GABRA2: variants seen among roughly 807,000 people sequenced by gnomAD.
GABRA2 encodes gamma-aminobutyric acid type A receptor subunit alpha2, also known as gamma-aminobutyric acid receptor subunit alpha-2.
In GABRA2, 16 loss-of-function variants were observed where a neutral mutation model predicts 48.7. The ratio of observed to expected loss-of-function variants is 0.33; its 90% CI spans 0.22 to 0.50. The LOEUF (loss-of-function observed/expected upper bound fraction) is 0.50. Ranked by LOEUF, GABRA2 falls within the 20% of genes least tolerant of loss-of-function variation. The pLI is 0.98. For missense variants in GABRA2, 275 were observed against 535.6 expected (o/e 0.51, Z 4.80); for synonymous variants, 185 against 184.5 (o/e 1.00, Z -0.02).
At chr4:46,301,788 A>G (rs1326828483) in intron 8 of GABRA2, among the ~76,000 whole-genome samples, 1 of 152,162 alleles carries the variant, frequency 6.6e-6, no homozygotes, top group Non-Finnish European at 1.5e-5. Flanking sequence ...CATCCCCTAT[A>G]CCAAGTAATT....
intron 4 of GABRA2, among the ~76,000 whole-genome samples, chr4:46,328,652 A>T (rs1730812978): frequency 2.0e-5 from 3 of 151,110 alleles, no homozygotes; most frequent in Non-Finnish European, 2.9e-5. Context: ...TATATACTTT[A>T]AGTTTTAGGG....
At chr4:46,331,880 C>T (rs1257184449) in intron 4 of GABRA2, among the ~76,000 whole-genome samples, 1 of 151,978 alleles carries the variant, frequency 6.6e-6, no homozygotes, top group Non-Finnish European at 1.5e-5. Context: ...TGCTATCACA[C>T]CCTGCTAATT....
intron 3 of GABRA2, among the ~76,000 whole-genome samples, chr4:46,340,448 A>C (rs942828422): frequency 8.6e-5 from 13 of 151,894 alleles, no homozygotes; most frequent in African/African-American, 3.1e-4. Context: ...TTATTTTGAA[A>C]ATTTTATTAT....
intron 8 of GABRA2, among the ~76,000 whole-genome samples, chr4:46,276,899 A>G (rs2109437579): frequency 6.6e-6 from 1 of 152,234 alleles, no homozygotes; most frequent in South Asian, 2.1e-4. Context: ...TATTTTTACC[A>G]TCATTATTGC....
At chr4:46,337,539 C>T (rs1732468090) in intron 3 of GABRA2, among the ~76,000 whole-genome samples, 1 of 151,124 alleles carries the variant, frequency 6.6e-6, no homozygotes, top group South Asian at 2.1e-4. Flanking sequence ...AATTTTGTGG[C>T]CAGGGCTATG....
At position 46,386,114 on chromosome 4, in the gene GABRA2, A is replaced by G. The variant is rs1296002650; in HGVS notation, c.147T>C (p.Leu49=). Residue 49 remains leucine, a synonymous_variant, in exon 3 of 10, where the codon CTT becomes CTC. Coordinates refer to ENST00000381620, the MANE Select transcript of GABRA2 (RefSeq NM_000807.4). ...ITIFTRILDR[L]LDGYDNRLRP... The stretch of plus-strand genomic sequence containing the variant: ...TAAGCCGATTATCGTAACCATCCAG[A>G]AGTCTGTCAAGAATTCTCGTAAAGA... 1 of 1,611,622 alleles carries G rather than the reference A, an allele frequency of 6.2e-7. No individual in the cohort carries two copies. Among genetic ancestry groups the G allele is most frequent in the Non-Finnish European group, 8.5e-7 (1 of 1,179,074 alleles).
chr4:46,309,812 C>G (rs1331858455), intron 6 of GABRA2, among the ~76,000 whole-genome samples: 3 of 152,056 alleles, frequency 2.0e-5, no homozygotes, highest in Non-Finnish European at 4.4e-5. Context: ...TTTATAGAAT[C>G]TATCCTTTCC....
At chr4:46,265,763 G>T (rs1345922816) in intron 8 of GABRA2, among the ~76,000 whole-genome samples, 3 of 151,492 alleles carry the variant, frequency 2.0e-5, no homozygotes, top group Non-Finnish European at 2.9e-5. Flanking sequence ...AAGGAAGATG[G>T]TTAAGTTATT....
chr4:46,263,683 T>C (rs975710098), intron 8 of GABRA2, among the ~76,000 whole-genome samples: 7 of 152,098 alleles, frequency 4.6e-5, no homozygotes, highest in Non-Finnish European at 8.8e-5. Context: ...CTTATTCTTA[T>C]TCATCAGTCT....
chr4:46,345,323 C>T lies in GABRA2; in HGVS notation c.188-12641G>A, dbSNP rs192275878. 2.2e-3 allele frequency among the ~76,000 whole-genome samples: 341 copies of T among 151,908 alleles called. 3 individuals carry two copies. The highest frequency in any genetic ancestry group is 8.1e-3 in the African/African-American group (334 of 41,472). ...AATGGACTAATACACCACGTAAGAC[C>T]AATTTAGTATCTAGTGTCAGCTCGT... On this transcript the variant is annotated intron_variant, in intron 3 of 9. Transcript: ENST00000381620.
chr4:46,339,230 TTAAA>T (rs1732785517), intron 3 of GABRA2, among the ~76,000 whole-genome samples: 2 of 151,914 alleles, frequency 1.3e-5, no homozygotes, highest in African/African-American at 4.8e-5. Flanking sequence ...TTAAATAAAA[TTAAA>T]TAACATTTAA....
At chr4:46,378,752 G>T (rs547669653) in intron 3 of GABRA2, among the ~76,000 whole-genome samples, 2 of 152,022 alleles carry the variant, frequency 1.3e-5, no homozygotes, top group South Asian at 4.2e-4. Context: ...ACTTGAACCC[G>T]GGAGGTGGAG....
At chr4:46,262,962 G>A (rs1577805656) in intron 8 of GABRA2, among the ~76,000 whole-genome samples, 2 of 124,096 alleles carry the variant, frequency 1.6e-5, no homozygotes, top group African/African-American at 8.8e-5. Flanking sequence ...AAGAAAGAGA[G>A]AGAGAGAGAG....
intron 3 of GABRA2, chr4:46,364,365 C>G (rs755235631): frequency 6.6e-5 from 10 of 152,174 alleles, no homozygotes; most frequent in African/African-American, 2.4e-4. Context: ...AGTAGATATG[C>G]TAGTTTTCTA....
At chr4:46,289,336 G>A (rs1723144963) in intron 8 of GABRA2, among the ~76,000 whole-genome samples, 1 of 152,100 alleles carries the variant, frequency 6.6e-6, no homozygotes, top group Non-Finnish European at 1.5e-5. Flanking sequence ...AAGAAAATGT[G>A]GTAAATATAC....
rs1560482738 is a variant in GABRA2 at position 46,289,914 on chromosome 4, T to TTTTTAA, written c.856+13545_856+13546insTTAAAA. ...TTATTTATTTATTTATTTATTTTTA[T>TTTTTAA]TTTTTTTTTTTTTTTGAGACTGAGT... On this transcript the variant is annotated intron_variant, in intron 8 of 9. Coordinates refer to ENST00000381620, the MANE Select transcript of GABRA2 (RefSeq NM_000807.4). 7.9e-3 allele frequency among the ~76,000 whole-genome samples: 1,070 copies of TTTTTAA among 135,948 alleles called. 20 individuals carry two copies. Among genetic ancestry groups the TTTTTAA allele is most frequent in the African/African-American group, 0.029 (1,016 of 35,298 alleles). 89.2% of individuals were successfully genotyped at this position (135,948 alleles called of 152,430 possible). A position where few individuals can be genotyped will look rare whatever the true frequency, so the allele number is the denominator to read the frequency against.
intron 9 of GABRA2, among the ~76,000 whole-genome samples, chr4:46,260,378 G>A (rs1716710194): frequency 6.6e-6 from 1 of 151,844 alleles, no homozygotes; most frequent in African/African-American, 2.4e-5. Context: ...CTATACATGA[G>A]GAGTAAGCTA....
At chr4:46,283,662 T>C (rs1242726215) in intron 8 of GABRA2, among the ~76,000 whole-genome samples, 2 of 151,498 alleles carry the variant, frequency 1.3e-5, no homozygotes, top group Non-Finnish European at 3.0e-5. Context: ...AAATGTACCT[T>C]GAATTCTGTA....
At chr4:46,313,193 A>G (rs1283171408) in intron 4 of GABRA2, among the ~76,000 whole-genome samples, 1 of 150,494 alleles carries the variant, frequency 6.6e-6, no homozygotes, top group East Asian at 1.9e-4. Context: ...AACATAACAG[A>G]AAAAATTAAA....
Sources: allele counts gnomAD v4.1 joint callset (sites outside exome capture counted in the v4.1 genomes callset), GRCh38; gene constraint gnomAD v4.1.1; transcripts MANE v1.5; gene names NCBI Gene and HGNC (gene_info 2026-07-23, HGNC 2026-07-21).